CYRIB: variants seen among roughly 807,000 people sequenced by gnomAD.
The protein encoded by CYRIB is CYFIP-related Rac1 interactor B.
CYRIB carries 8 observed loss-of-function variants against 44.2 expected under a neutral mutation model. The ratio of observed to expected loss-of-function variants is 0.18; its 90% CI spans 0.11 to 0.33. The LOEUF (loss-of-function observed/expected upper bound fraction) is 0.33. Ranked by LOEUF, CYRIB falls within the 10% of genes least tolerant of loss-of-function variation. The pLI, the probability that CYRIB is intolerant of heterozygous loss-of-function variation, is 1.00. For synonymous variants in CYRIB, 131 were observed against 127.2 expected, an observed-to-expected ratio of 1.03 and a Z score of -0.20; for missense variants, 185 against 382.8, an observed-to-expected ratio of 0.48 and a Z score of 4.31.
intron 4 of CYRIB, 74 bp from the exon 7 acceptor site, chr8:129,862,408 CT>C: frequency 8.9e-7 from 1 of 1,127,638 alleles, no homozygotes; most frequent in Non-Finnish European, 1.3e-6. Context: ...AAAATGTAGG[CT>C]TTAGCAAACA....
At chr8:129,981,269 G>A (rs1166709995) in intron 1 of CYRIB, among the ~76,000 whole-genome samples, 1 of 152,120 alleles carries the variant, frequency 6.6e-6, no homozygotes, top group East Asian at 1.9e-4. Context: ...CCTTCAGAAT[G>A]GCTGGAACTA....
intron 3 of CYRIB, among the ~76,000 whole-genome samples, chr8:129,872,060 T>C (rs2057458062): frequency 6.6e-6 from 1 of 152,102 alleles, no homozygotes; most frequent in Non-Finnish European, 1.5e-5. Flanking sequence ...TCTCAACATA[T>C]ATGATATTAT....
chr8:129,977,268 C>A (rs893785013), intron 1 of CYRIB, among the ~76,000 whole-genome samples: 1 of 152,150 alleles, frequency 6.6e-6, no homozygotes, highest in Non-Finnish European at 1.5e-5. Context: ...GGAAGCTGGG[C>A]CATGTTCAGC....
chr8:129,930,338 C>T (rs1269430579), intron 1 of CYRIB, among the ~76,000 whole-genome samples: 1 of 32,814 alleles, frequency 3.0e-5, no homozygotes, highest in African/African-American at 8.5e-5. Flanking sequence ...CACTTGCAGA[C>T]CTCAACTAGG....
chr8:129,842,884 T>C (rs140202972), intron 11 of CYRIB, among the ~76,000 whole-genome samples: 1 of 152,362 alleles, frequency 6.6e-6, no homozygotes, highest in East Asian at 1.9e-4. Flanking sequence ...GTATTTAAGA[T>C]GCCTCAATTA....
At chr8:129,881,629 C>T (rs984712873) in intron 2 of CYRIB, among the ~76,000 whole-genome samples, 1 of 152,168 alleles carries the variant, frequency 6.6e-6, no homozygotes, top group Non-Finnish European at 1.5e-5. Flanking sequence ...ATGTTAAAAG[C>T]AATCCAATTT....
intron 1 of CYRIB, among the ~76,000 whole-genome samples, chr8:130,000,294 T>C (rs546797756): frequency 1.6e-4 from 24 of 152,328 alleles, no homozygotes; most frequent in Admixed American, 3.3e-4. Flanking sequence ...AATAAATGCC[T>C]ATTTGAGATG....
At chr8:129,993,295 A>G (rs1335594848) in intron 1 of CYRIB, among the ~76,000 whole-genome samples, 1 of 152,134 alleles carries the variant, frequency 6.6e-6, no homozygotes, top group East Asian at 1.9e-4. Flanking sequence ...TGGGAGGCTG[A>G]GGCAGGAGAA....
At chr8:129,894,741 T>C (rs76854684) in intron 2 of CYRIB, among the ~76,000 whole-genome samples, 2,337 of 152,106 alleles carry the variant, frequency 0.015, 70 homozygotes, top group African/African-American at 0.054. Context: ...CATAATTTCT[T>C]ATTTTATTTT....
chr8:129,871,687 A>G (rs576973872), intron 3 of CYRIB, among the ~76,000 whole-genome samples, 191 bp from the exon 6 acceptor site: 6 of 152,330 alleles, frequency 3.9e-5, no homozygotes, highest in Non-Finnish European at 8.8e-5. Context: ...TTTCAAGTAC[A>G]TAGATATTAC....
chr8:129,874,656 T>C (rs1364442280), intron 3 of CYRIB, among the ~76,000 whole-genome samples: 2 of 152,102 alleles, frequency 1.3e-5, no homozygotes. Context: ...TACAGAGACA[T>C]AAATAAGCCT....
intron 1 of CYRIB, among the ~76,000 whole-genome samples, chr8:129,980,218 A>G (rs2096156138): frequency 7.4e-6 from 1 of 135,228 alleles, no homozygotes; most frequent in Non-Finnish European, 1.5e-5. Context: ...ACAGAGCAAG[A>G]CTCCATCTCA....
chr8:129,904,724 A>G (rs1281754500), intron 1 of CYRIB, 139 bp from the exon 3 acceptor site: 4 of 152,126 alleles, frequency 2.6e-5, no homozygotes, highest in African/African-American at 9.7e-5. Flanking sequence ...TTTCTTGCAC[A>G]CCCCATATTC....
intron 2 of CYRIB, among the ~76,000 whole-genome samples, chr8:129,960,958 AAAAAAAAG>A (rs1182248158): frequency 2.0e-5 from 3 of 151,128 alleles, no homozygotes; most frequent in Non-Finnish European, 4.4e-5. Context: ...TCAAAAAAAA[AAAAAAAAG>A]AAAGAAAGAA....
At chr8:129,965,620 C>A (rs950120498) in intron 2 of CYRIB, among the ~76,000 whole-genome samples, 5 of 151,772 alleles carry the variant, frequency 3.3e-5, no homozygotes, top group Admixed American at 2.6e-4. Flanking sequence ...CACGGTGAAA[C>A]CCTGTCTCTA....
At position 129,867,316 on chromosome 8, in the gene CYRIB, G is replaced by A. The variant is rs140999671; in HGVS notation, c.195+4059C>T. Among the ~76,000 whole-genome samples, 1,190 of 149,312 alleles carry A rather than the reference G, an allele frequency of 8.0e-3. 18 individuals are homozygous for A. The highest frequency in any genetic ancestry group is 0.028 in the African/African-American group (1,148 of 40,372). ...TTTTTTTTTTTTTTAGTAGAGATGC[G>A]GTTTTACTATGTTAATCAGGCTGGT... On this transcript the variant is annotated intron_variant, in intron 4 of 11. Transcript: ENST00000519824.
intron 4 of CYRIB, among the ~76,000 whole-genome samples, chr8:129,869,552 CAATT>C (rs1457577234): frequency 2.6e-5 from 4 of 151,914 alleles, no homozygotes; most frequent in East Asian, 1.9e-4. Flanking sequence ...AAAATTTTAC[CAATT>C]AATTAAGATC....
At chr8:129,934,825 G>C (rs556253775) in intron 1 of CYRIB, among the ~76,000 whole-genome samples, 1 of 152,282 alleles carries the variant, frequency 6.6e-6, no homozygotes, top group South Asian at 2.1e-4. Flanking sequence ...AACTGGACCC[G>C]TTTAGATTAA....
intron 7 of CYRIB, among the ~76,000 whole-genome samples, chr8:129,853,005 G>A (rs2044159387): frequency 6.6e-6 from 1 of 152,172 alleles, no homozygotes; most frequent in Non-Finnish European, 1.5e-5. Flanking sequence ...AAAAAGACTT[G>A]TAGGTCCGAA....
Sources: gnomAD v4.1 joint callset for allele counts (sites outside exome capture counted in the v4.1 genomes callset) on GRCh38, gnomAD v4.1.1 for gene constraint, MANE v1.5 for transcripts, NCBI Gene and HGNC (gene_info 2026-07-23, HGNC 2026-07-21) for gene names.